Variants in SPINK5 observed in about 807,000 individuals in gnomAD.
SPINK5 encodes serine protease inhibitor Kazal-type 5.
In SPINK5, 125 loss-of-function variants were observed where a neutral mutation model predicts 151.8. The ratio of observed to expected loss-of-function variants is 0.82; its 90% confidence interval spans 0.71 to 0.96. SPINK5 has a LOEUF of 0.96. SPINK5 is among the 40% of genes least tolerant of loss of function. The probability of loss-of-function intolerance (pLI) is 0.00; values close to 1 mark genes in which losing one functional copy is unlikely to be tolerated. For missense variants in SPINK5, 1,194 were observed against 1,291.9 expected, an observed-to-expected ratio of 0.92 and a Z score of 1.16; for synonymous variants, 374 against 395.3, an observed-to-expected ratio of 0.95 and a Z score of 0.64.
intron 30 of SPINK5, among the ~76,000 whole-genome samples, chr5:148,130,555 A>G (rs1431385076): frequency 6.6e-6 from 1 of 152,126 alleles, no homozygotes; most frequent in Non-Finnish European, 1.5e-5. Flanking sequence ...ATTAATTATT[A>G]AACTCATACT....
In SPINK5 at chr5:148,080,146, G is replaced by A. The variant is rs12187272; in HGVS notation, c.283-6259G>A. Among the ~76,000 whole-genome samples the A allele has an allele frequency of 4.9e-3, 733 of 151,096 alleles. 3 individuals carry two copies. Among genetic ancestry groups the A allele is most frequent in the Non-Finnish European group, 8.0e-3 (538 of 67,330 alleles). On this transcript the variant is annotated intron_variant, in intron 4 of 32. Transcript: ENST00000256084. ...TTGAAAATTAAAATATTTCATTCAC[G>A]ATAGCATAAAAAATGTGGAAATGAA...
At chr5:148,091,125 T>C in intron 7 of SPINK5, 40 bp from the exon 8 acceptor site, 1 of 1,551,648 alleles carries the variant, frequency 6.4e-7, no homozygotes, top group South Asian at 1.1e-5. Flanking sequence ...GAAAATATGA[T>C]TGAGTCATAA....
chr5:148,074,982 A>G (rs1752841079), intron 4 of SPINK5, among the ~76,000 whole-genome samples: 1 of 151,728 alleles, frequency 6.6e-6, no homozygotes, highest in African/African-American at 2.4e-5. Context: ...CTTATGTCAG[A>G]CAACTTTTGT....
chr5:148,091,380 T>C (rs1753305625), intron 8 of SPINK5, 152 bp downstream of exon 8: 1 of 708,448 alleles, frequency 1.4e-6, no homozygotes, highest in Admixed American at 2.6e-5. Flanking sequence ...TGACTATTCC[T>C]AGAATATTAA....
intron 8 of SPINK5, among the ~76,000 whole-genome samples, chr5:148,092,383 T>C (rs556216822): frequency 7.2e-5 from 11 of 152,098 alleles, no homozygotes; most frequent in African/African-American, 2.4e-4. Flanking sequence ...GGAATTCTTT[T>C]GTGGTGGTTG....
chr5:148,135,655 G>A (rs1036595468), intron 32 of SPINK5, among the ~76,000 whole-genome samples: 4 of 151,958 alleles, frequency 2.6e-5, no homozygotes, highest in African/African-American at 9.7e-5. Context: ...GTGTGATCTC[G>A]GGTACAGTTG....
At chr5:148,111,083 A>T (rs1753913554) in intron 18 of SPINK5, among the ~76,000 whole-genome samples, 1 of 152,024 alleles carries the variant, frequency 6.6e-6, no homozygotes, top group Non-Finnish European at 1.5e-5. Context: ...GCTAAAATCA[A>T]AGGGTTGGCA....
chr5:148,101,546 T>C, intron 14 of SPINK5, 110 bp downstream of exon 14: 1 of 1,074,390 alleles, frequency 9.3e-7, no homozygotes, highest in Non-Finnish European at 1.4e-6. Flanking sequence ...TTGTACAGTT[T>C]GTGTTTTCAT....
Position 148,115,530 on chromosome 5 carries a change from G to T in SPINK5, c.2016-840G>T, listed in dbSNP as rs73794681. ...AAATAACCCAGGAAGAGGCAGCTAC[G>T]CAGAGCAAGGAGGTAGGCTAGAAGG... On this transcript the variant is annotated intron_variant, in intron 21 of 32. Transcript: ENST00000256084. 4.8e-3 allele frequency among the ~76,000 whole-genome samples: 727 copies of T among 152,268 alleles called. 5 individuals are homozygous for T. Among genetic ancestry groups the T allele is most frequent in the African/African-American group, 0.015 (624 of 41,562 alleles).
chr5:148,067,286 A>C (rs941185984), intron 2 of SPINK5, among the ~76,000 whole-genome samples: 1 of 152,198 alleles, frequency 6.6e-6, no homozygotes, highest in African/African-American at 2.4e-5. Flanking sequence ...TGAGGGAAAC[A>C]GGAAGAACTT....
In SPINK5 at chr5:148,089,579, G is replaced by A. The variant is rs1753254257; in HGVS notation, c.560G>A (p.Gly187Glu). The change falls in exon 7 of 33, where the codon GGG (glycine) becomes GAG (glutamate). Residue 187 changes from glycine to glutamate, a missense_variant. Physicochemically the swap from Gly to Glu is moderately conservative, Grantham distance 98. Transcript: ENST00000256084. ...AATGATCCTGTTCTTGGTCCTGATG[G>A]GAAGACGCATGGCAATAAGTGTGCA... Reference protein sequence around the residue: ...RENDPVLGPDGKTHGNKCAMC... With the variant: ...RENDPVLGPDEKTHGNKCAMC... The A allele has an allele frequency of 1.9e-6, 3 of 1,611,942 alleles. No homozygotes were observed. The Admixed American group carries it at 5.0e-5, about 27-fold the overall frequency.
intron 4 of SPINK5, among the ~76,000 whole-genome samples, chr5:148,076,488 TCA>T (rs1347635543): frequency 6.6e-6 from 1 of 151,752 alleles, no homozygotes; most frequent in Non-Finnish European, 1.5e-5. Context: ...ATCAAAATGT[TCA>T]GTTTTTATAA....
chr5:148,116,456 G>GA lies in SPINK5; in HGVS notation c.2105dup (p.Asn702LysfsTer8). 6.2e-7 allele frequency: 1 copy of GA among 1,614,126 alleles called. No homozygotes were observed. Among genetic ancestry groups the GA allele is most frequent in the Non-Finnish European group, 8.5e-7 (1 of 1,179,976 alleles). ...CATGGTTCCAGTGGTGGTGGAGGAG[G>GA]AAACACTCAGGTGAGAGCAACCTCT... On this transcript the variant is annotated frameshift_variant, in exon 22 of 33. Coordinates refer to ENST00000256084, the MANE Select transcript of SPINK5 (RefSeq NM_006846.4). LOFTEE classifies it high-confidence loss of function.
At chr5:148,114,304 C>T in intron 20 of SPINK5, 58 bp from the exon 21 acceptor site, 4 of 1,571,534 alleles carry the variant, frequency 2.5e-6, no homozygotes, top group South Asian at 1.1e-5. Flanking sequence ...TTAGTAGGAA[C>T]CCAGTAAACT....
chr5:148,076,227 A>G (rs1039062774), intron 4 of SPINK5, among the ~76,000 whole-genome samples: 3 of 151,748 alleles, frequency 2.0e-5, no homozygotes, highest in Admixed American at 6.6e-5. Flanking sequence ...AAACTGTGTT[A>G]AATCCTTAGC....
intron 4 of SPINK5, among the ~76,000 whole-genome samples, chr5:148,077,064 A>G (rs1005128692): frequency 6.6e-6 from 1 of 151,502 alleles, no homozygotes; most frequent in African/African-American, 2.4e-5. Flanking sequence ...TGAAGAAACA[A>G]TGGCCTAAGA....
At chr5:148,065,231 G>A (rs570746692) in intron 1 of SPINK5, 116 bp from the exon 2 acceptor site, 38 of 1,118,316 alleles carry the variant, frequency 3.4e-5, no homozygotes, top group Admixed American at 1.0e-4. Context: ...AACCATTTGC[G>A]GTTTTACAAC....
intron 5 of SPINK5, among the ~76,000 whole-genome samples, chr5:148,086,931 A>T (rs2113054737): frequency 8.0e-6 from 1 of 124,994 alleles, no homozygotes; most frequent in Middle Eastern, 5.3e-3. Flanking sequence ...TAAGTTATAG[A>T]TTATATGATT....
intron 9 of SPINK5, among the ~76,000 whole-genome samples, 156 bp downstream of exon 9, chr5:148,094,637 C>T (rs1398986930): frequency 1.3e-5 from 2 of 151,962 alleles, no homozygotes; most frequent in Non-Finnish European, 2.9e-5. Context: ...ACCTAGTGAG[C>T]AGGCACTACT....
Sources: gnomAD v4.1 joint callset for allele counts (sites outside exome capture counted in the v4.1 genomes callset) on GRCh38, gnomAD v4.1.1 for gene constraint, MANE v1.5 for transcripts, NCBI Gene and HGNC (gene_info 2026-07-23, HGNC 2026-07-21) for gene names.